The following CRPPA variants were observed in gnomAD, a reference collection of about 807,000 sequenced individuals.
CRPPA encodes D-ribitol-5-phosphate cytidylyltransferase.
Under a neutral mutation model 52.0 loss-of-function variants are expected in CRPPA, and 43 were observed. That is an observed-to-expected ratio of 0.83 (90% CI 0.65 to 1.07). The LOEUF is 1.07. CRPPA is among the 50% of genes least tolerant of loss of function. The pLI, the probability that CRPPA is intolerant of heterozygous loss-of-function variation, is 0.00. For synonymous variants in CRPPA, 250 were observed against 203.5 expected (o/e 1.23, Z -1.94); for missense variants, 629 against 551.7 (o/e 1.14, Z -1.40).
At chr7:16,399,772 G>A (rs7782304) in intron 2 of CRPPA, among the ~76,000 whole-genome samples, 72,959 of 152,018 alleles carry the variant, frequency 0.48, 18,570 homozygotes, top group African/African-American at 0.64. Context: ...GTGACAAGTG[G>A]CTGACATGCT....
At chr7:16,261,720 A>AT (rs1343168686) in intron 6 of CRPPA, among the ~76,000 whole-genome samples, 1 of 151,916 alleles carries the variant, frequency 6.6e-6, no homozygotes, top group Non-Finnish European at 1.5e-5. Flanking sequence ...CTGTGCCACT[A>AT]TTTTTAATTG....
intron 3 of CRPPA, among the ~76,000 whole-genome samples, chr7:16,333,386 A>G (rs1785603176): frequency 6.6e-6 from 1 of 152,232 alleles, no homozygotes; most frequent in South Asian, 2.1e-4. Context: ...AAACCCTTTA[A>G]CAAGTTTAAA....
intron 9 of CRPPA, among the ~76,000 whole-genome samples, chr7:16,202,898 C>A (rs1024041789): frequency 5.3e-5 from 8 of 152,148 alleles, no homozygotes; most frequent in African/African-American, 1.9e-4. Flanking sequence ...ATGTGACCCA[C>A]CCTTTCCTTC....
At chr7:16,349,330 T>C (rs1193238830) in intron 3 of CRPPA, among the ~76,000 whole-genome samples, 1 of 152,140 alleles carries the variant, frequency 6.6e-6, no homozygotes, top group Non-Finnish European at 1.5e-5. Flanking sequence ...CCTCTCACTA[T>C]ATGAAATTAG....
At chr7:16,230,307 A>G (rs1782759895) in intron 8 of CRPPA, among the ~76,000 whole-genome samples, 1 of 151,818 alleles carries the variant, frequency 6.6e-6, no homozygotes, top group African/African-American at 2.4e-5. Flanking sequence ...ACCTTTCTTC[A>G]TTCCTTTATT....
intron 3 of CRPPA, among the ~76,000 whole-genome samples, chr7:16,351,460 A>G (rs1457193855): frequency 6.6e-6 from 1 of 152,240 alleles, no homozygotes; most frequent in Non-Finnish European, 1.5e-5. Context: ...AATTATCATC[A>G]GAGTGAACAG....
intron 2 of CRPPA, among the ~76,000 whole-genome samples, chr7:16,390,178 C>A (rs1356565734): frequency 6.6e-6 from 1 of 151,772 alleles, no homozygotes; most frequent in East Asian, 1.9e-4. Flanking sequence ...ATTTAGTCTT[C>A]TTCTTTCTGT....
rs1042574384 is a variant in CRPPA, at chr7:16,170,945, C to T, written c.1251+45121G>A. On this transcript the variant is annotated intron_variant, in intron 9 of 9. Transcript: ENST00000407010. ...CCCGCTTAGCCCCGGTTCCTGCCTG[C>T]GCCTCTCCCTCCACACCTCCCCACA... Among the ~76,000 whole-genome samples, 7 of 152,206 alleles carry T rather than the reference C, an allele frequency of 4.6e-5. No individual in the cohort carries two copies. In the South Asian group the frequency reaches 6.2e-4, roughly 14 times the overall value.
intron 9 of CRPPA, among the ~76,000 whole-genome samples, chr7:16,116,390 C>T (rs1261396467): frequency 4.6e-5 from 7 of 152,178 alleles, no homozygotes; most frequent in South Asian, 2.1e-4. Flanking sequence ...AGTGGTCGGG[C>T]GCAGTGGCTC....
chr7:16,111,472 T>C (rs1451445034), intron 9 of CRPPA, among the ~76,000 whole-genome samples: 1 of 152,192 alleles, frequency 6.6e-6, no homozygotes, highest in African/African-American at 2.4e-5. Context: ...CTGCACTCAC[T>C]CCCATGGTCA....
Position 16,095,033 on chromosome 7 carries a change from C to T in CRPPA, c.1252-3234G>A, listed in dbSNP as rs1433338887. On this transcript the variant is annotated intron_variant, in intron 9 of 9. Coordinates refer to ENST00000407010, the MANE Select transcript of CRPPA (RefSeq NM_001101426.4). Reference sequence around the variant, plus strand: ...ATCAATGTTGGTACATAAATTGTAACGAACACATATTAATAATGGGAGAAC... The same window carrying T: ...ATCAATGTTGGTACATAAATTGTAATGAACACATATTAATAATGGGAGAAC... 8.5e-5 allele frequency among the ~76,000 whole-genome samples: 13 copies of T among 152,204 alleles called. No homozygotes were observed. The East Asian group carries it at 9.7e-4, about 11-fold the overall frequency.
At position 16,093,914 on chromosome 7, in the gene CRPPA, G is replaced by T. The variant is rs546511830; in HGVS notation, c.1252-2115C>A. ...CATAACACAGATGATGATAATTAAG[G>T]TTCCTCTTTCAAAAATAAACAGAAC... On this transcript the variant is annotated intron_variant, in intron 9 of 9. Transcript: ENST00000407010. 5.3e-4 allele frequency among the ~76,000 whole-genome samples: 81 copies of T among 152,126 alleles called. 3 individuals are homozygous for T. The South Asian group carries it at 0.012, about 22-fold the overall frequency.
intron 3 of CRPPA, among the ~76,000 whole-genome samples, chr7:16,324,808 AAATT>A (rs1785344528): frequency 6.6e-6 from 1 of 152,240 alleles, no homozygotes; most frequent in East Asian, 1.9e-4. Context: ...ATCTTTGACT[AAATT>A]TATCCACTTT....
intron 9 of CRPPA, among the ~76,000 whole-genome samples, chr7:16,192,863 T>A (rs1781643120): frequency 6.6e-6 from 1 of 152,150 alleles, no homozygotes; most frequent in Admixed American, 6.6e-5. Flanking sequence ...TTGTCAAAAA[T>A]CAGTTGTCTA....
At chr7:16,212,218 T>C (rs1481189952) in intron 9 of CRPPA, among the ~76,000 whole-genome samples, 2 of 152,162 alleles carry the variant, frequency 1.3e-5, no homozygotes, top group East Asian at 3.9e-4. Flanking sequence ...CGTGGCTTGG[T>C]TTTTGCAGGT....
intron 5 of CRPPA, among the ~76,000 whole-genome samples, chr7:16,295,182 A>G (rs1451511971): frequency 1.3e-5 from 2 of 152,114 alleles, no homozygotes; most frequent in East Asian, 3.8e-4. Context: ...AAACAAATAA[A>G]ATATGGCATG....
At chr7:16,368,525 G>T (rs1335532829) in intron 3 of CRPPA, among the ~76,000 whole-genome samples, 1 of 152,164 alleles carries the variant, frequency 6.6e-6, no homozygotes. Context: ...GGCACTAGTA[G>T]CATTTTGGTT....
intron 2 of CRPPA, among the ~76,000 whole-genome samples, chr7:16,395,023 T>C (rs1787534299): frequency 6.6e-6 from 1 of 152,094 alleles, no homozygotes; most frequent in Non-Finnish European, 1.5e-5. Flanking sequence ...ATTCAAAGTA[T>C]CAAAATTATG....
rs148606905 is a variant in CRPPA at position 16,143,914 on chromosome 7, A to T, written c.1252-52115T>A. ...GTAATGTCAAAAAAACGGAATTAGA[A>T]TCCAGAACATTTGAAGGGGTATATT... On this transcript the variant is annotated intron_variant, in intron 9 of 9. Coordinates refer to ENST00000407010, the MANE Select transcript of CRPPA (RefSeq NM_001101426.4). Among the ~76,000 whole-genome samples the T allele has an allele frequency of 1.1e-4, 16 of 152,300 alleles. No individual in the cohort carries two copies. In the East Asian group the frequency reaches 3.1e-3, roughly 29 times the overall value.
Sources: allele counts gnomAD v4.1 joint callset (sites outside exome capture counted in the v4.1 genomes callset), GRCh38; gene constraint gnomAD v4.1.1; transcripts MANE v1.5; gene names NCBI Gene and HGNC (gene_info 2026-07-23, HGNC 2026-07-21).